The following SLC35E4 variants were observed in gnomAD, a reference collection of about 807,000 sequenced individuals.
SLC35E4 encodes the protein solute carrier family 35 member E4, also known as solute carrier family 35, member E4.
In SLC35E4, 15 loss-of-function variants were observed where a neutral mutation model predicts 19.3. That is an observed-to-expected ratio of 0.78 (90% CI 0.52 to 1.20). The LOEUF (loss-of-function observed/expected upper bound fraction) is 1.20. Ranked by LOEUF, SLC35E4 falls within the 50% of genes most tolerant of loss-of-function variation. The probability of loss-of-function intolerance (pLI) is 0.00; values close to 1 mark genes in which losing one functional copy is unlikely to be tolerated. For synonymous variants in SLC35E4, 219 were observed against 219.9 expected (o/e 1.00, Z 0.04); for missense variants, 406 against 472.3 (o/e 0.86, Z 1.30).
At chr22:30,655,895 G>A (rs1164553947) in intron 2 of SLC35E4, among the ~76,000 whole-genome samples, 4 of 151,796 alleles carry the variant, frequency 2.6e-5, no homozygotes, top group African/African-American at 9.7e-5. Flanking sequence ...AGGTGATATT[G>A]GGTCACGATC....
At chr22:30,642,290 A>G (rs2088055311) in intron 1 of SLC35E4, among the ~76,000 whole-genome samples, 1 of 151,998 alleles carries the variant, frequency 6.6e-6, no homozygotes, top group Non-Finnish European at 1.5e-5. Context: ...TACGGGCATG[A>G]GCCACCACAC....
At chr22:30,640,788 T>A (rs766628668) in intron 1 of SLC35E4, among the ~76,000 whole-genome samples, 3 of 151,922 alleles carry the variant, frequency 2.0e-5, no homozygotes, top group Non-Finnish European at 2.9e-5. Context: ...AGAGTTGGAG[T>A]TGATGGAGTC....
exon 3 of SLC35E4, chr22:30,663,014 G>T (rs1452314440): frequency 6.0e-6 from 1 of 165,466 alleles, no homozygotes; most frequent in Non-Finnish European, 1.3e-5. Flanking sequence ...GGCACTCACT[G>T]TAAGAAGCGC....
chr22:30,637,242 C>T (rs2087967033), intron 1 of SLC35E4, among the ~76,000 whole-genome samples, 173 bp downstream of exon 1: 1 of 152,174 alleles, frequency 6.6e-6, no homozygotes, highest in Admixed American at 6.5e-5. Context: ...CAGTGAGTTC[C>T]AGGCCCCAGA....
At chr22:30,652,553 C>A (rs538502604), downstream of SLC35E4, among the ~76,000 whole-genome samples, 2 of 152,364 alleles carry the variant, frequency 1.3e-5, no homozygotes, top group Admixed American at 1.3e-4. Flanking sequence ...TGAATAAAGA[C>A]AACTTGGAGA....
chr22:30,653,250 G>A (rs1404904388), intron 2 of SLC35E4, among the ~76,000 whole-genome samples: 2 of 152,080 alleles, frequency 1.3e-5, no homozygotes, highest in Admixed American at 1.3e-4. Context: ...TACCCCCACT[G>A]CCCTGAACCC....
chr22:30,662,062 T>C (rs752605804), exon 3 of SLC35E4: 16 of 131,992 alleles, frequency 1.2e-4, no homozygotes, highest in Non-Finnish European at 2.2e-4. Context: ...ACACACAGGG[T>C]AACTTTTTGG....
chr22:30,650,296 C>T (rs2088188646), downstream of SLC35E4, among the ~76,000 whole-genome samples: 1 of 151,230 alleles, frequency 6.6e-6, no homozygotes, highest in South Asian at 2.1e-4. Context: ...CATGCCATTG[C>T]ACTGTAGCCT....
chr22:30,641,116 G>A (rs2088028844), intron 1 of SLC35E4, among the ~76,000 whole-genome samples: 1 of 152,228 alleles, frequency 6.6e-6, no homozygotes, highest in Admixed American at 6.5e-5. Flanking sequence ...GCACCCCTGT[G>A]CAGGCCACAG....
intron 2 of SLC35E4, among the ~76,000 whole-genome samples, chr22:30,658,149 G>A (rs1012171107): frequency 6.6e-6 from 1 of 151,444 alleles, no homozygotes; most frequent in African/African-American, 2.4e-5. Flanking sequence ...ATCTCTCGGG[G>A]TTCTAGTTCT....
downstream of SLC35E4, chr22:30,647,996 G>A: frequency 6.6e-6 from 1 of 152,162 alleles, no homozygotes; most frequent in Non-Finnish European, 1.5e-5. Context: ...AGTCTGTCTG[G>A]CCCCCCACCC....
downstream of SLC35E4, chr22:30,652,347 G>A (rs904378944): frequency 6.6e-6 from 1 of 152,344 alleles, no homozygotes; most frequent in African/African-American, 2.4e-5. Flanking sequence ...GGGAAGGTCA[G>A]AATCTTGCAG....
chr22:30,637,925 G>A (rs543433668), intron 1 of SLC35E4, among the ~76,000 whole-genome samples: 1 of 152,310 alleles, frequency 6.6e-6, no homozygotes, highest in South Asian at 2.1e-4. Flanking sequence ...GGAAGGTCAG[G>A]GGTCAGGTCT....
chr22:30,661,290 C>G (rs1041178006), intron 2 of SLC35E4, among the ~76,000 whole-genome samples: 5 of 152,046 alleles, frequency 3.3e-5, no homozygotes, highest in African/African-American at 1.2e-4. Flanking sequence ...TTTTTGAGAG[C>G]TGAAATGACT....
downstream of SLC35E4, chr22:30,667,531 C>T (rs539848760): frequency 6.6e-6 from 1 of 152,408 alleles, no homozygotes; most frequent in African/African-American, 2.4e-5. Flanking sequence ...AGGCAAGGTT[C>T]TTCGGGAGAG....
chr22:30,647,973 C>G (rs2088162659), downstream of SLC35E4: 1 of 152,218 alleles, frequency 6.6e-6, no homozygotes, highest in Non-Finnish European at 1.5e-5. Flanking sequence ...GGACATCCTC[C>G]CTTACCCATC....
downstream of SLC35E4, among the ~76,000 whole-genome samples, chr22:30,664,237 C>A (rs1172282220): frequency 2.0e-5 from 3 of 152,142 alleles, no homozygotes; most frequent in Admixed American, 2.0e-4. Context: ...AGTACAGATA[C>A]CCAGGTCCCT....
At chr22:30,659,638 C>T (rs1057005033) in intron 2 of SLC35E4, among the ~76,000 whole-genome samples, 1 of 152,130 alleles carries the variant, frequency 6.6e-6, no homozygotes, top group Non-Finnish European at 1.5e-5. Context: ...TCCCAAAGTG[C>T]AGGGATTACA....
chr22:30,649,803 C>G (rs985952140), downstream of SLC35E4, among the ~76,000 whole-genome samples: 3 of 149,794 alleles, frequency 2.0e-5, no homozygotes, highest in Non-Finnish European at 3.0e-5. Flanking sequence ...CTGTACCACC[C>G]TCATTTCTAG....
Sources: allele counts gnomAD v4.1 joint callset (sites outside exome capture counted in the v4.1 genomes callset), GRCh38; gene constraint gnomAD v4.1.1; transcripts MANE v1.5; gene names NCBI Gene and HGNC (gene_info 2026-07-23, HGNC 2026-07-21).